Variants in GRID1 observed in about 807,000 individuals in gnomAD.
GRID1 encodes glutamate ionotropic receptor delta type subunit 1, also known as glutamate receptor ionotropic, delta-1.
Under a neutral mutation model 98.0 loss-of-function variants are expected in GRID1, and 28 were observed. The observed-to-expected ratio is 0.29, with a 90% CI of 0.21 to 0.39. GRID1 has a LOEUF of 0.39. Ranked by LOEUF, GRID1 falls within the 10% of genes least tolerant of loss-of-function variation. The pLI is 1.00. For missense variants in GRID1, 1,111 were observed against 1,340.5 expected, an observed-to-expected ratio of 0.83 and a Z score of 2.67; for synonymous variants, 553 against 538.5, an observed-to-expected ratio of 1.03 and a Z score of -0.37.
At chr10:86,198,371 C>G (rs1205925307) in intron 3 of GRID1, among the ~76,000 whole-genome samples, 1 of 152,020 alleles carries the variant, frequency 6.6e-6, no homozygotes. Flanking sequence ...AGAACACAAC[C>G]AAAATACAGC....
intron 8 of GRID1, among the ~76,000 whole-genome samples, chr10:85,792,826 C>A (rs567416040): frequency 1.3e-5 from 2 of 152,128 alleles, no homozygotes; most frequent in African/African-American, 4.8e-5. Flanking sequence ...TCTGAGTTCC[C>A]GTCAGAGTAC....
intron 8 of GRID1, among the ~76,000 whole-genome samples, chr10:85,733,284 A>T (rs1285344592): frequency 6.6e-6 from 1 of 151,854 alleles, no homozygotes; most frequent in Non-Finnish European, 1.5e-5. Context: ...TGGGGTCAAA[A>T]CTCTGTCTTC....
At chr10:86,129,347 C>T (rs536454599) in intron 4 of GRID1, among the ~76,000 whole-genome samples, 1 of 152,312 alleles carries the variant, frequency 6.6e-6, no homozygotes, top group South Asian at 2.1e-4. Context: ...CTGTCAATGG[C>T]AACAAGCCTC....
At chr10:86,097,452 T>A (rs1383204140) in intron 4 of GRID1, among the ~76,000 whole-genome samples, 1 of 152,232 alleles carries the variant, frequency 6.6e-6, no homozygotes, top group African/African-American at 2.4e-5. Flanking sequence ...CTATCTATCA[T>A]CTGTCTACCG....
At chr10:86,319,447 GAGCC>G (rs1264071442) in intron 2 of GRID1, among the ~76,000 whole-genome samples, 1 of 152,170 alleles carries the variant, frequency 6.6e-6, no homozygotes, top group African/African-American at 2.4e-5. Context: ...CAGGATTGCA[GAGCC>G]AGGAATGCAA....
chr10:85,994,629 G>A (rs920733267), intron 4 of GRID1, among the ~76,000 whole-genome samples: 2 of 152,206 alleles, frequency 1.3e-5, no homozygotes, highest in African/African-American at 2.4e-5. Flanking sequence ...TTATTGGTGA[G>A]CTGTTAGATA....
intron 5 of GRID1, among the ~76,000 whole-genome samples, chr10:85,899,687 C>T (rs59249745): frequency 0.022 from 3,359 of 152,274 alleles, 130 homozygotes; most frequent in African/African-American, 0.076. Flanking sequence ...GGCAACCCCT[C>T]GGCTTGCTAT....
intron 4 of GRID1, among the ~76,000 whole-genome samples, chr10:85,950,765 G>T (rs571462879): frequency 6.6e-6 from 1 of 152,224 alleles, no homozygotes; most frequent in Non-Finnish European, 1.5e-5. Flanking sequence ...ATCCTCTGTG[G>T]CTCCCAGAAC....
chr10:86,010,860 T>C (rs892705145), intron 4 of GRID1, among the ~76,000 whole-genome samples: 6 of 148,846 alleles, frequency 4.0e-5, no homozygotes, highest in Non-Finnish European at 8.9e-5. Context: ...AAGGCGTGTG[T>C]GTATGTGTTT....
chr10:85,876,108 T>C (rs140242984), intron 5 of GRID1, among the ~76,000 whole-genome samples: 146 of 152,354 alleles, frequency 9.6e-4, no homozygotes, highest in African/African-American at 3.4e-3. Flanking sequence ...CTTCCACTGC[T>C]GTCCAGTGTG....
At chr10:86,353,920 C>T (rs1848498259) in intron 2 of GRID1, among the ~76,000 whole-genome samples, 1 of 152,214 alleles carries the variant, frequency 6.6e-6, no homozygotes, top group Admixed American at 6.5e-5. Context: ...ACACTGGCCA[C>T]TGGAGATGGG....
rs150643991 is a variant in GRID1, at chr10:86,025,091, C to T, written c.727-108852G>A. ...GGCTCAAAATGCAGCAACATGTCCC[C>T]ATGTGGCCAGAATAGTTTGCGAGAA... On this transcript the variant is annotated intron_variant, in intron 4 of 15. Coordinates refer to ENST00000327946, the MANE Select transcript of GRID1 (RefSeq NM_017551.3). 3.6e-3 allele frequency among the ~76,000 whole-genome samples: 549 copies of T among 152,296 alleles called. 3 individuals carry two copies. The highest frequency in any genetic ancestry group is 0.012 in the African/African-American group (515 of 41,552).
At chr10:86,021,054 GCC>G (rs1163785398) in intron 4 of GRID1, among the ~76,000 whole-genome samples, 2 of 138 alleles carry the variant, frequency 0.014, no homozygotes, top group Non-Finnish European at 0.026. Flanking sequence ...TGACCTGCCT[GCC>G]TGCCTGCCTG....
intron 2 of GRID1, among the ~76,000 whole-genome samples, chr10:86,246,146 C>T (rs1380404922): frequency 6.6e-6 from 1 of 152,228 alleles, no homozygotes; most frequent in Admixed American, 6.5e-5. Flanking sequence ...AATCTGGGAA[C>T]CAGGGCCTGT....
intron 6 of GRID1, among the ~76,000 whole-genome samples, chr10:85,865,958 G>C (rs1207913144): frequency 1.6e-3 from 13 of 7,920 alleles, no homozygotes; most frequent in African/African-American, 5.6e-3. Flanking sequence ...TATATATGGA[G>C]AGAGAGAGAG....
chr10:85,649,480 G>A (rs1018555744), intron 12 of GRID1, among the ~76,000 whole-genome samples: 6 of 151,808 alleles, frequency 4.0e-5, no homozygotes, highest in African/African-American at 1.2e-4. Context: ...AATGAAAGGA[G>A]GGGGATCTTT....
chr10:85,821,768 G>C (rs186357845), intron 8 of GRID1, among the ~76,000 whole-genome samples: 1 of 151,940 alleles, frequency 6.6e-6, no homozygotes, highest in Non-Finnish European at 1.5e-5. Flanking sequence ...GAGGCATCAC[G>C]CTACCTGACT....
At chr10:86,207,172 A>T (rs762860475) in intron 2 of GRID1, among the ~76,000 whole-genome samples, 8 of 152,350 alleles carry the variant, frequency 5.3e-5, no homozygotes, top group Non-Finnish European at 8.8e-5. Flanking sequence ...TCAGAGAGGT[A>T]CTTACCCAAG....
chr10:85,640,849 C>T (rs1265148320), intron 13 of GRID1, among the ~76,000 whole-genome samples: 3 of 152,206 alleles, frequency 2.0e-5, no homozygotes, highest in Non-Finnish European at 4.4e-5. Flanking sequence ...ATAAGATTTG[C>T]GGGCCCATTT....
Sources: gnomAD v4.1 joint callset for allele counts (sites outside exome capture counted in the v4.1 genomes callset) on GRCh38, gnomAD v4.1.1 for gene constraint, MANE v1.5 for transcripts, NCBI Gene and HGNC (gene_info 2026-07-23, HGNC 2026-07-21) for gene names.